The following ADAM28 variants were observed in gnomAD, a reference collection of about 807,000 sequenced individuals.
ADAM28 encodes ADAM metallopeptidase domain 28.
ADAM28 carries 105 observed loss-of-function variants against 101.2 expected under a neutral mutation model. The observed-to-expected ratio is 1.04, with a 90% CI of 0.89 to 1.22. The LOEUF (loss-of-function observed/expected upper bound fraction) is 1.22. Ranked by LOEUF, ADAM28 falls within the 50% of genes most tolerant of loss-of-function variation. ADAM28 has a pLI of 0.00. For synonymous variants in ADAM28, 322 were observed against 310.6 expected (o/e 1.04, Z -0.39); for missense variants, 1,028 against 945.4 (o/e 1.09, Z -1.15).
intron 18 of ADAM28, among the ~76,000 whole-genome samples, chr8:24,349,422 TTC>T (rs1815801374): frequency 6.6e-6 from 1 of 152,218 alleles, no homozygotes; most frequent in African/African-American, 2.4e-5. Flanking sequence ...ATTATTTGTC[TTC>T]TTAGTCACAC....
intron 17 of ADAM28, 113 bp from the exon 18 acceptor site, chr8:24,343,393 A>G: frequency 8.7e-7 from 1 of 1,148,116 alleles, no homozygotes. Flanking sequence ...GATAGATGGA[A>G]GCCTGGAGAC....
At chr8:24,295,497 C>T (rs1402366406) in intron 1 of ADAM28, among the ~76,000 whole-genome samples, 1 of 152,118 alleles carries the variant, frequency 6.6e-6, no homozygotes, top group Admixed American at 6.6e-5. Context: ...TCCAAAAATG[C>T]TATCACCAAG....
intron 7 of ADAM28, among the ~76,000 whole-genome samples, chr8:24,320,680 T>C (rs1811751099): frequency 6.6e-6 from 1 of 152,000 alleles, no homozygotes; most frequent in Non-Finnish European, 1.5e-5. Context: ...GCTTAATTGG[T>C]CACAATGAAA....
intron 2 of ADAM28, among the ~76,000 whole-genome samples, chr8:24,309,417 C>G (rs1585544597): frequency 6.6e-6 from 1 of 152,102 alleles, no homozygotes; most frequent in South Asian, 2.1e-4. Flanking sequence ...CTCACTTCAC[C>G]TGGGTAATTT....
chr8:24,346,337 C>A (rs925012689), intron 18 of ADAM28, among the ~76,000 whole-genome samples: 3 of 151,984 alleles, frequency 2.0e-5, no homozygotes, highest in African/African-American at 7.2e-5. Context: ...CCATGAGTAT[C>A]ATTTGTTTGA....
chr8:24,339,550 T>A lies in ADAM28; in HGVS notation c.1652T>A (p.Leu551His), dbSNP rs1814512560. Residue 551 changes from leucine (L) to histidine (H), a missense_variant, in exon 15 of 23, where the codon CTC becomes CAC. Physicochemically the swap from Leu to His is moderately conservative, Grantham distance 99. Transcript: ENST00000265769. ...TACTGTCGCAGAGTGGATGACACAC[T>A]CATTCCCTGCAAAGCAAAGTAAGTG... ...YGYCRRVDDT[L>H]IPCKANDTMC... 2 of 1,612,072 alleles carry A rather than the reference T, an allele frequency of 1.2e-6. No individual in the cohort carries two copies. The highest frequency in any genetic ancestry group is 3.3e-5 in the Admixed American group (2 of 59,814).
chr8:24,324,167 A>G lies in ADAM28; in HGVS notation c.890+164A>G, dbSNP rs151238684. Among the ~76,000 whole-genome samples, 355 of 151,750 alleles carry G rather than the reference A, an allele frequency of 2.3e-3. 2 individuals are homozygous for G. Among genetic ancestry groups the G allele is most frequent in the African/African-American group, 7.9e-3 (328 of 41,456 alleles). On this transcript the variant is annotated intron_variant, in intron 9 of 22. Coordinates refer to ENST00000265769, the MANE Select transcript of ADAM28 (RefSeq NM_014265.6). ...TATTTTGGATCCAAGTATTTTTTTTAAAAAAAGAGAGGGTCAATAATTTGG... is the reference window on the plus strand; with the variant it reads ...TATTTTGGATCCAAGTATTTTTTTTGAAAAAAGAGAGGGTCAATAATTTGG...
Position 24,341,904 on chromosome 8 carries a change from G to T in ADAM28, c.1830+147G>T, listed in dbSNP as rs545914930. The T allele has an allele frequency of 1.6e-4, 147 of 930,382 alleles. 2 individuals are homozygous for T. In the South Asian group the frequency reaches 2.3e-3, roughly 15 times the overall value. 57.6% of individuals were successfully genotyped at this position (930,382 alleles called of 1,614,324 possible). On this transcript the variant is annotated intron_variant, in intron 16 of 22. Coordinates refer to ENST00000265769, the MANE Select transcript of ADAM28 (RefSeq NM_014265.6). ...AATAGAACCCACAGAGTTTGAATTT[G>T]GAACACAGAAATGAAAATGGCGCAG...
At chr8:24,349,757 G>T in intron 18 of ADAM28, 107 bp from the exon 19 acceptor site, 1 of 755,902 alleles carries the variant, frequency 1.3e-6, no homozygotes, top group Non-Finnish European at 2.2e-6. Context: ...TATGTTCATT[G>T]GAGAAAAGGG....
intron 14 of ADAM28, among the ~76,000 whole-genome samples, chr8:24,338,655 C>T (rs1204265266): frequency 1.3e-5 from 2 of 152,102 alleles, no homozygotes; most frequent in African/African-American, 4.8e-5. Context: ...AAAAACAATG[C>T]CGTATCTTCA....
At chr8:24,344,918 C>A (rs1266976502) in intron 18 of ADAM28, among the ~76,000 whole-genome samples, 2 of 151,016 alleles carry the variant, frequency 1.3e-5, no homozygotes, top group Non-Finnish European at 3.0e-5. Context: ...TTTAATATTT[C>A]AATTAATATT....
At position 24,310,193 on chromosome 8, in the gene ADAM28, A is replaced by G. The variant is rs1563275451; in HGVS notation, c.258A>G (p.Thr86=). Residue 86 remains threonine, a synonymous_variant, in exon 4 of 23, where the codon ACA becomes ACG. Coordinates refer to ENST00000265769, the MANE Select transcript of ADAM28 (RefSeq NM_014265.6). ...KNLLAPGYTE[T]YYNSTGKEIT... is the part of the protein sequence containing the mutation. ...TCCTTGCACCAGGCTACACGGAAACATATTATAATTCCACTGGAAAGGAGA... is the reference window on the plus strand; with the variant it reads ...TCCTTGCACCAGGCTACACGGAAACGTATTATAATTCCACTGGAAAGGAGA... The G allele has an allele frequency of 1.2e-6, 2 of 1,613,542 alleles. No homozygotes were observed. Among genetic ancestry groups the G allele is most frequent in the Admixed American group, 3.3e-5 (2 of 59,928 alleles).
rs998548369 is a variant in ADAM28, at chr8:24,355,246, C to CAACA, written c.*843_*846dup. The CAACA allele has an allele frequency of 3.3e-5, 5 of 152,250 alleles. No individual in the cohort carries two copies. Among genetic ancestry groups the CAACA allele is most frequent in the Middle Eastern group, 3.2e-3 (1 of 316 alleles). The allele number at this position is 152,250 out of a possible 1,614,324, so 9.4% of individuals were successfully genotyped here. ...TAAAAGTAATCCGATGCTTTGTCAA[C>CAACA]AACAGACTTACATTGCCCATAGCAA... is the stretch of plus-strand genomic sequence containing the variant. On this transcript the variant is annotated 3_prime_UTR_variant, in exon 23 of 23. Transcript: ENST00000265769.
Position 24,343,251 on chromosome 8 carries a change from C to T in ADAM28, c.1911+70C>T. 8 of 1,543,184 alleles carry T rather than the reference C, an allele frequency of 5.2e-6. No homozygotes were observed. In the South Asian group the frequency reaches 9.0e-5, roughly 17 times the overall value. On this transcript the variant is annotated intron_variant, in intron 17 of 22. Transcript: ENST00000265769. ...ACATTCTAGGTCAGTCATAAGAAAG[C>T]TAAAGGAATATTTTCAGCTTTAAAT...
intron 1 of ADAM28, among the ~76,000 whole-genome samples, chr8:24,299,558 A>T (rs539370258): frequency 2.6e-5 from 4 of 152,190 alleles, no homozygotes; most frequent in Admixed American, 6.5e-5. Flanking sequence ...CTAACATTGT[A>T]TGGTTTCCAG....
intron 7 of ADAM28, among the ~76,000 whole-genome samples, 186 bp from the exon 8 acceptor site, chr8:24,321,032 C>T (rs997496604): frequency 7.2e-5 from 11 of 151,882 alleles, no homozygotes; most frequent in Admixed American, 3.3e-4. Context: ...ACATCATATT[C>T]ACTCCCAAAG....
rs1429319281 is a variant in ADAM28 at position 24,358,636 on chromosome 8, C to G, written c.*4232C>G. 1 of 151,308 alleles carries G rather than the reference C, an allele frequency of 6.6e-6. No individual in the cohort carries two copies. The highest frequency in any genetic ancestry group is 1.9e-4 in the East Asian group (1 of 5,154). The allele number at this position is 151,308 out of a possible 1,614,324, so 9.4% of individuals were successfully genotyped here. On this transcript the variant is annotated 3_prime_UTR_variant, in exon 23 of 23. Coordinates refer to ENST00000265769, the MANE Select transcript of ADAM28 (RefSeq NM_014265.6). ...CTTCCATAAAAAGGCTTTCCCTTGA[C>G]AATGTTAGGCACTTTTTAGCAACTA...
intron 18 of ADAM28, among the ~76,000 whole-genome samples, chr8:24,347,680 C>A (rs1429599224): frequency 6.6e-6 from 1 of 151,996 alleles, no homozygotes; most frequent in Non-Finnish European, 1.5e-5. Flanking sequence ...TACTTTTATA[C>A]TTTGAGAGCG....
intron 12 of ADAM28, 95 bp from the exon 13 acceptor site, chr8:24,332,565 T>C: frequency 1.7e-6 from 1 of 593,150 alleles, no homozygotes. Context: ...TCCACGAAAG[T>C]AACATATGCC....
Sources: allele counts gnomAD v4.1 joint callset (sites outside exome capture counted in the v4.1 genomes callset), GRCh38; gene constraint gnomAD v4.1.1; transcripts MANE v1.5; gene names NCBI Gene and HGNC (gene_info 2026-07-23, HGNC 2026-07-21).